The following PALS2 variants were observed in gnomAD, a reference collection of about 807,000 sequenced individuals.
The protein encoded by PALS2 is protein associated with LIN7 2, MAGUK p55 family member.
Under a neutral mutation model 61.6 loss-of-function variants are expected in PALS2, and 27 were observed. The ratio of observed to expected loss-of-function variants is 0.44; its 90% CI spans 0.32 to 0.60. The LOEUF (loss-of-function observed/expected upper bound fraction) is 0.60, where lower values mean the gene tolerates loss of function less well. Among genes scored for constraint, PALS2 ranks in the 20% least tolerant of loss-of-function variants. The probability of loss-of-function intolerance (pLI) is 0.05; values close to 1 mark genes in which losing one functional copy is unlikely to be tolerated. For missense variants in PALS2, 554 were observed against 639.4 expected, an observed-to-expected ratio of 0.87 and a Z score of 1.44; for synonymous variants, 236 against 218.6, an observed-to-expected ratio of 1.08 and a Z score of -0.70.
At chr7:24,586,396 A>G (rs1248507319) in intron 1 of PALS2, among the ~76,000 whole-genome samples, 2 of 152,214 alleles carry the variant, frequency 1.3e-5, no homozygotes, top group Non-Finnish European at 2.9e-5. Context: ...TTTTAGCTCT[A>G]AAATTTTGAT....
chr7:24,573,885 A>T lies in PALS2; in HGVS notation c.-3+292A>T, dbSNP rs2128036109. The T allele has an allele frequency of 6.6e-6, 1 of 151,790 alleles. No individual in the cohort carries two copies. The highest frequency in any genetic ancestry group is 1.9e-4 in the East Asian group (1 of 5,148). The allele number at this position is 151,790 out of a possible 1,614,324, so 9.4% of individuals were successfully genotyped here. Reference sequence around the variant, plus strand: ...CGGCTGGGCGGGCCGGAGCTCGGCAACGTGTCTGGCCCATGCTGCTTGCCG... The same window carrying T: ...CGGCTGGGCGGGCCGGAGCTCGGCATCGTGTCTGGCCCATGCTGCTTGCCG... On this transcript the variant is annotated intron_variant, in intron 1 of 11. Transcript: ENST00000222644. The surrounding 1 kb of genome is among the most constrained non-coding windows in gnomAD (Gnocchi z 5.3).
chr7:24,656,871 A>C (rs748204180), intron 5 of PALS2, among the ~76,000 whole-genome samples: 22 of 149,274 alleles, frequency 1.5e-4, no homozygotes, highest in Non-Finnish European at 2.7e-4. Flanking sequence ...CTTCCCTCCT[A>C]CTCCCTTTCT....
At chr7:24,629,427 A>C (rs1299812216) in intron 2 of PALS2, among the ~76,000 whole-genome samples, 1 of 152,192 alleles carries the variant, frequency 6.6e-6, no homozygotes, top group African/African-American at 2.4e-5. Context: ...CATAGGCATG[A>C]GCACAGACTT....
chr7:24,641,007 C>CA (rs35912373), intron 2 of PALS2, among the ~76,000 whole-genome samples: 29,581 of 66,596 alleles, frequency 0.44, 7,270 homozygotes, highest in African/African-American at 0.6. Context: ...GACTCCATCT[C>CA]AAAAAAAAAA....
intron 1 of PALS2, among the ~76,000 whole-genome samples, chr7:24,611,938 G>A (rs1325405388): frequency 6.6e-6 from 1 of 151,884 alleles, no homozygotes; most frequent in African/African-American, 2.4e-5. Context: ...GGGGTAGTCT[G>A]GGTACGATAT....
rs1232986746 is a variant in PALS2, at chr7:24,692,699, T to C, written c.*5085T>C. On this transcript the variant is annotated 3_prime_UTR_variant, in exon 12 of 12. Transcript: ENST00000222644. The stretch of plus-strand genomic sequence containing the variant: ...TAAATCCAAACCCTTAGCAAATCCT[T>C]GCTGCCAACCAGACCACTCACAAAT... 6.6e-6 allele frequency: 1 copy of C among 152,188 alleles called. No individual in the cohort carries two copies. The highest frequency in any genetic ancestry group is 1.5e-5 in the Non-Finnish European group (1 of 68,032). The allele number at this position is 152,188 out of a possible 1,614,324, so 9.4% of individuals were successfully genotyped here.
At chr7:24,639,840 A>G (rs1309286865) in intron 2 of PALS2, among the ~76,000 whole-genome samples, 1 of 62,812 alleles carries the variant, frequency 1.6e-5, no homozygotes, top group Admixed American at 2.3e-4. Context: ...TTTTTTTTTG[A>G]GACGGAGTCT....
At chr7:24,581,809 C>T (rs770733210) in intron 1 of PALS2, among the ~76,000 whole-genome samples, 13 of 152,130 alleles carry the variant, frequency 8.5e-5, no homozygotes, top group Non-Finnish European at 1.9e-4. Context: ...ATTTTGATGC[C>T]TCTATTACGA....
At chr7:24,639,934 A>T (rs546751990) in intron 2 of PALS2, among the ~76,000 whole-genome samples, 1 of 148,034 alleles carries the variant, frequency 6.8e-6, no homozygotes, top group South Asian at 2.1e-4. Context: ...CTCCTGCCTC[A>T]GCCTTCTGGG....
chr7:24,582,730 C>T (rs1262707100), intron 1 of PALS2, among the ~76,000 whole-genome samples: 1 of 151,698 alleles, frequency 6.6e-6, no homozygotes, highest in Non-Finnish European at 1.5e-5. Flanking sequence ...CTTTTAATAT[C>T]CTTCTATCTT....
intron 1 of PALS2, among the ~76,000 whole-genome samples, chr7:24,620,539 T>G (rs1457722387): frequency 6.6e-6 from 1 of 152,130 alleles, no homozygotes; most frequent in African/African-American, 2.4e-5. Flanking sequence ...ACCAAAGATC[T>G]ATTTCACAAT....
chr7:24,630,812 C>G (rs906309112), intron 2 of PALS2, among the ~76,000 whole-genome samples: 3 of 152,210 alleles, frequency 2.0e-5, no homozygotes, highest in Non-Finnish European at 4.4e-5. Context: ...CAAAACCTAG[C>G]TGACAGCACA....
intron 1 of PALS2, among the ~76,000 whole-genome samples, chr7:24,601,533 T>A (rs1325399135): frequency 6.6e-6 from 1 of 152,172 alleles, no homozygotes; most frequent in African/African-American, 2.4e-5. Context: ...ATCTTTGCCT[T>A]TTTCCTGAGT....
chr7:24,691,405 G>GTATATATATA lies in PALS2; in HGVS notation c.*3822_*3831dup, dbSNP rs70942878. The stretch of plus-strand genomic sequence containing the variant: ...ATATTATGTATGTGTGTGTGTGTGT[G>GTATATATATA]TATATATATATATATATATATATAT... On this transcript the variant is annotated 3_prime_UTR_variant, in exon 12 of 12. Transcript: ENST00000222644. 24 of 110,586 alleles carry GTATATATATA rather than the reference G, an allele frequency of 2.2e-4. No homozygotes were observed. Among genetic ancestry groups the GTATATATATA allele is most frequent in the South Asian group, 6.6e-4 (2 of 3,016 alleles). The allele number at this position is 110,586 out of a possible 1,614,324, so 6.9% of individuals were successfully genotyped here.
chr7:24,692,477 A>G lies in PALS2; in HGVS notation c.*4863A>G, dbSNP rs938878146. On this transcript the variant is annotated 3_prime_UTR_variant, in exon 12 of 12. Transcript: ENST00000222644. ...TGATATGGTGAACTGAAAAATCCTT[A>G]TTAGGCTACTTTATCTGTTCTCTTT... 2.0e-5 allele frequency: 3 copies of G among 152,148 alleles called. No individual in the cohort carries two copies. Among genetic ancestry groups the G allele is most frequent in the Non-Finnish European group, 4.4e-5 (3 of 67,996 alleles). 9.4% of individuals were successfully genotyped at this position (152,148 alleles called of 1,614,324 possible).
In PALS2 at chr7:24,688,876, C is replaced by G. The variant is rs954761273; in HGVS notation, c.*1262C>G. 2.6e-5 allele frequency: 4 copies of G among 151,952 alleles called. No homozygotes were observed. Among genetic ancestry groups the G allele is most frequent in the Admixed American group, 2.6e-4 (4 of 15,242 alleles). The allele number at this position is 151,952 out of a possible 1,614,324, so 9.4% of individuals were successfully genotyped here. Reference sequence around the variant, plus strand: ...TCACCCATGCTGGAGTACAGTGGCGCGATCTCAGCCCGCTGCAACCTCTGC... The same window carrying G: ...TCACCCATGCTGGAGTACAGTGGCGGGATCTCAGCCCGCTGCAACCTCTGC... On this transcript the variant is annotated 3_prime_UTR_variant, in exon 12 of 12. Transcript: ENST00000222644.
chr7:24,680,434 G>C lies in PALS2; in HGVS notation c.1360G>C (p.Val454Leu). ...GACATCAGAGTTTATGCCCTATGTGGTATTTATTGCGGCTCCGGAGCTAGA... is the reference window on the plus strand; with the variant it reads ...GACATCAGAGTTTATGCCCTATGTGCTATTTATTGCGGCTCCGGAGCTAGA... ...LRTSEFMPYV[V>L]FIAAPELETL... The change falls in exon 11 of 12, where the codon GTA becomes CTA. Residue 454 changes from valine (V) to leucine (L), a missense_variant. Val to Leu is a conservative substitution (Grantham distance 32). Coordinates refer to ENST00000222644, the MANE Select transcript of PALS2 (RefSeq NM_001303037.2). The C allele has an allele frequency of 6.2e-7, 1 of 1,613,646 alleles. No homozygotes were observed. The highest frequency in any genetic ancestry group is 8.5e-7 in the Non-Finnish European group (1 of 1,179,592).
At chr7:24,650,819 A>G in intron 5 of PALS2, 107 bp downstream of exon 5, 1 of 827,944 alleles carries the variant, frequency 1.2e-6, no homozygotes, top group Non-Finnish European at 1.8e-6. Context: ...AAGAGAAAAA[A>G]TTGATTTGAG....
chr7:24,625,955 T>C (rs1396872015), intron 2 of PALS2, among the ~76,000 whole-genome samples: 7 of 151,580 alleles, frequency 4.6e-5, no homozygotes, highest in Non-Finnish European at 1.0e-4. Flanking sequence ...GTATAACAAA[T>C]AGAAGGAAAA....
Sources: allele counts gnomAD v4.1 joint callset (sites outside exome capture counted in the v4.1 genomes callset), GRCh38; gene constraint gnomAD v4.1.1; non-coding constraint Gnocchi (gnomAD v3.1); transcripts MANE v1.5; gene names NCBI Gene and HGNC (gene_info 2026-07-23, HGNC 2026-07-21).